CSMD1: variants seen among roughly 807,000 people sequenced by gnomAD.
CSMD1 encodes CUB and sushi domain-containing protein 1.
A neutral mutation model predicts 417.5 loss-of-function variants in CSMD1; 213 were observed. The ratio of observed to expected loss-of-function variants is 0.51; its 90% CI spans 0.46 to 0.57. CSMD1 has a LOEUF of 0.57. Among genes scored for constraint, CSMD1 ranks in the 20% least tolerant of loss-of-function variants. The pLI, the probability that CSMD1 is intolerant of heterozygous loss-of-function variation, is 0.00. For missense variants in CSMD1, 6,923 were observed against 4,529.7 expected (o/e 1.53, Z -15.17); for synonymous variants, 2,862 against 1,736.8 (o/e 1.65, Z -16.11).
At chr8:4,065,499 C>T (rs1417133028) in intron 3 of CSMD1, among the ~76,000 whole-genome samples, 4 of 152,162 alleles carry the variant, frequency 2.6e-5, no homozygotes, top group South Asian at 2.1e-4. Flanking sequence ...AAGGTCATGA[C>T]ACTGATTCAA....
At chr8:3,312,034 C>T (rs918233151) in intron 23 of CSMD1, among the ~76,000 whole-genome samples, 1 of 152,046 alleles carries the variant, frequency 6.6e-6, no homozygotes, top group Non-Finnish European at 1.5e-5. Context: ...TAAGAAGAAA[C>T]ATTTTCCTCT....
chr8:3,587,498 G>C (rs762794564), intron 8 of CSMD1, among the ~76,000 whole-genome samples: 2 of 139,198 alleles, frequency 1.4e-5, no homozygotes, highest in Non-Finnish European at 3.3e-5. Flanking sequence ...ATAGAGACAA[G>C]ATAGGGGAAA....
intron 1 of CSMD1, among the ~76,000 whole-genome samples, chr8:4,924,333 T>C (rs768149198): frequency 2.0e-5 from 3 of 152,230 alleles, no homozygotes; most frequent in Non-Finnish European, 4.4e-5. Context: ...AAATGAATTT[T>C]CCTCTCAAGA....
At chr8:3,506,071 G>A (rs1487794562) in intron 10 of CSMD1, among the ~76,000 whole-genome samples, 1 of 152,180 alleles carries the variant, frequency 6.6e-6, no homozygotes, top group Non-Finnish European at 1.5e-5. Context: ...TCCTGGGGTT[G>A]AGCCCTGGGG....
At chr8:4,056,207 G>T (rs995570438) in intron 3 of CSMD1, among the ~76,000 whole-genome samples, 2 of 146,260 alleles carry the variant, frequency 1.4e-5, no homozygotes, top group African/African-American at 5.0e-5. Flanking sequence ...TCAGCCTCCC[G>T]AGTAGCTGGG....
At chr8:4,398,899 G>C (rs1804453683) in intron 3 of CSMD1, among the ~76,000 whole-genome samples, 1 of 151,994 alleles carries the variant, frequency 6.6e-6, no homozygotes, top group Admixed American at 6.6e-5. Flanking sequence ...AAAAATAAAA[G>C]TCTCTAATTC....
At chr8:3,531,447 T>C (rs1003719479) in intron 10 of CSMD1, among the ~76,000 whole-genome samples, 1 of 152,110 alleles carries the variant, frequency 6.6e-6, no homozygotes, top group South Asian at 2.1e-4. Flanking sequence ...ACATCACCCC[T>C]CAAAAAATCA....
intron 2 of CSMD1, among the ~76,000 whole-genome samples, chr8:4,559,778 G>C (rs1024445891): frequency 6.6e-6 from 1 of 152,224 alleles, no homozygotes; most frequent in African/African-American, 2.4e-5. Context: ...GTGCAGCCTG[G>C]TGCATTTTCC....
chr8:2,978,951 G>T (rs111560906), intron 54 of CSMD1, among the ~76,000 whole-genome samples, 151 bp from the exon 55 acceptor site: 5 of 152,310 alleles, frequency 3.3e-5, no homozygotes, highest in African/African-American at 1.2e-4. Context: ...CTCTCACGAT[G>T]AATTCTCCGC....
intron 1 of CSMD1, among the ~76,000 whole-genome samples, chr8:4,880,486 C>A (rs1803319281): frequency 6.6e-6 from 1 of 152,008 alleles, no homozygotes; most frequent in South Asian, 2.1e-4. Flanking sequence ...TGTTGTGTAG[C>A]CCATGAATTC....
chr8:3,347,791 G>T (rs944799147), intron 22 of CSMD1, among the ~76,000 whole-genome samples: 2 of 152,136 alleles, frequency 1.3e-5, no homozygotes, highest in Admixed American at 1.3e-4. Context: ...TATCTACAAA[G>T]TTATTTCAAA....
chr8:3,539,889 T>A (rs949850818), intron 10 of CSMD1, among the ~76,000 whole-genome samples: 2 of 152,198 alleles, frequency 1.3e-5, no homozygotes, highest in Non-Finnish European at 2.9e-5. Context: ...AGAAAACGGC[T>A]TCCCTTTGAA....
At chr8:2,964,744 G>T (rs548883950) in intron 59 of CSMD1, among the ~76,000 whole-genome samples, 4 of 152,284 alleles carry the variant, frequency 2.6e-5, no homozygotes, top group African/African-American at 7.2e-5. Flanking sequence ...ACAAAGAAGG[G>T]AAGGCAATGA....
chr8:4,185,066 G>C lies in CSMD1; in HGVS notation c.416-152967C>G, dbSNP rs531358404. ...AGGCAGGAGAATGGCTAGAGCCTGGGAGGCAGAGGTTGCAGTGAGCCAAGA... is the reference window on the plus strand; with the variant it reads ...AGGCAGGAGAATGGCTAGAGCCTGGCAGGCAGAGGTTGCAGTGAGCCAAGA... On this transcript the variant is annotated intron_variant, in intron 3 of 69. Coordinates refer to ENST00000635120, the MANE Select transcript of CSMD1 (RefSeq NM_033225.6). Among the ~76,000 whole-genome samples, 9 of 149,818 alleles carry C rather than the reference G, an allele frequency of 6.0e-5. No individual in the cohort carries two copies. In the South Asian group the frequency reaches 1.9e-3, roughly 32 times the overall value.
chr8:4,123,226 G>T (rs1269710776), intron 3 of CSMD1, among the ~76,000 whole-genome samples: 2 of 152,214 alleles, frequency 1.3e-5, no homozygotes, highest in Admixed American at 6.5e-5. Context: ...CAAGTTCACA[G>T]TTAATGACAG....
chr8:3,842,612 G>C (rs78187392), intron 5 of CSMD1, among the ~76,000 whole-genome samples: 1 of 152,092 alleles, frequency 6.6e-6, no homozygotes, highest in Admixed American at 6.5e-5. Context: ...GTTACATCAA[G>C]AAGATGTTGA....
At chr8:2,955,892 A>T (rs1802970578) in intron 63 of CSMD1, 124 bp from the exon 64 acceptor site, 5 of 607,576 alleles carry the variant, frequency 8.2e-6, no homozygotes, top group East Asian at 3.1e-5. Flanking sequence ...ATATACATAT[A>T]TATACACATA....
At chr8:3,635,062 G>T (rs998717826) in intron 7 of CSMD1, among the ~76,000 whole-genome samples, 21 of 152,184 alleles carry the variant, frequency 1.4e-4, no homozygotes, top group African/African-American at 3.9e-4. Flanking sequence ...AAAAAAAATG[G>T]GATGCCTATA....
chr8:3,277,975 A>T (rs188900906), intron 26 of CSMD1, among the ~76,000 whole-genome samples: 1 of 152,212 alleles, frequency 6.6e-6, no homozygotes, highest in East Asian at 1.9e-4. Context: ...ATTTCTGCAG[A>T]AACCTTCGTG....
Sources: gnomAD v4.1 joint callset for allele counts (sites outside exome capture counted in the v4.1 genomes callset) on GRCh38, gnomAD v4.1.1 for gene constraint, MANE v1.5 for transcripts, NCBI Gene and HGNC (gene_info 2026-07-23, HGNC 2026-07-21) for gene names.